Variants in PTPRD observed in about 807,000 individuals in gnomAD.
PTPRD encodes the protein protein tyrosine phosphatase receptor type D.
In PTPRD, 34 loss-of-function variants were observed where a neutral mutation model predicts 214.5. That is an observed-to-expected ratio of 0.16 (90% CI 0.12 to 0.21). The LOEUF (loss-of-function observed/expected upper bound fraction) is 0.21, where lower values mean the gene tolerates loss of function less well. Ranked by LOEUF, PTPRD falls within the 10% of genes least tolerant of loss-of-function variation. The pLI is 1.00. For missense variants in PTPRD, 2,545 were observed against 2,398.7 expected (o/e 1.06, Z -1.27); for synonymous variants, 1,128 against 845.7 (o/e 1.33, Z -5.79).
At chr9:9,594,950 G>C (rs1444996676) in intron 7 of PTPRD, among the ~76,000 whole-genome samples, 1 of 151,882 alleles carries the variant, frequency 6.6e-6, no homozygotes, top group Non-Finnish European at 1.5e-5. Context: ...ATTCTCAAAA[G>C]AAGATCTACA....
chr9:8,324,832 T>G (rs187947078), intron 44 of PTPRD, among the ~76,000 whole-genome samples: 2,039 of 147,608 alleles, frequency 0.014, 44 homozygotes, highest in African/African-American at 0.046. Flanking sequence ...GGTTTTGATT[T>G]GCATTTCTCT....
intron 5 of PTPRD, among the ~76,000 whole-genome samples, chr9:9,890,366 T>A (rs2072835622): frequency 1.3e-5 from 2 of 151,902 alleles, no homozygotes; most frequent in Admixed American, 1.3e-4. Flanking sequence ...TGGCTATTTT[T>A]TTTGAATTTT....
At chr9:10,044,373 G>A (rs566695081) in intron 3 of PTPRD, among the ~76,000 whole-genome samples, 2 of 151,734 alleles carry the variant, frequency 1.3e-5, no homozygotes, top group South Asian at 4.1e-4. Context: ...CCTTTGTTCT[G>A]ATTTACTGTG....
At chr9:9,617,204 C>T (rs1489785944) in intron 7 of PTPRD, among the ~76,000 whole-genome samples, 1 of 152,072 alleles carries the variant, frequency 6.6e-6, no homozygotes, top group Non-Finnish European at 1.5e-5. Context: ...TATATATCTA[C>T]AGAGAAAGAG....
intron 7 of PTPRD, among the ~76,000 whole-genome samples, chr9:9,733,778 C>T (rs2098242080): frequency 6.6e-6 from 1 of 152,116 alleles, no homozygotes; most frequent in Non-Finnish European, 1.5e-5. Context: ...GAGATTTCTT[C>T]ATAGTATTAA....
At chr9:9,910,941 G>T (rs1176017863) in intron 5 of PTPRD, among the ~76,000 whole-genome samples, 1 of 151,646 alleles carries the variant, frequency 6.6e-6, no homozygotes, top group Non-Finnish European at 1.5e-5. Context: ...CATTCCAGTG[G>T]GAATCATTTT....
chr9:9,327,832 T>C (rs894985302), intron 9 of PTPRD, among the ~76,000 whole-genome samples: 15 of 151,574 alleles, frequency 9.9e-5, no homozygotes, highest in Non-Finnish European at 1.9e-4. Flanking sequence ...TTGGCTTCCC[T>C]GGGCCACGTT....
At chr9:10,173,311 G>T (rs1339576079) in intron 3 of PTPRD, among the ~76,000 whole-genome samples, 1 of 152,070 alleles carries the variant, frequency 6.6e-6, no homozygotes, top group Middle Eastern at 3.2e-3. Context: ...ATAATGGAGT[G>T]TTACAGGACA....
At position 8,808,778 on chromosome 9, in the gene PTPRD, T is replaced by C. The variant is rs140300243; in HGVS notation, c.-103-74832A>G. Reference sequence around the variant, plus strand: ...CTAGATTTAAATGGGATGTTGATAATAGTTCTTCCTAGGACCCAGACTGGA... The same window carrying C: ...CTAGATTTAAATGGGATGTTGATAACAGTTCTTCCTAGGACCCAGACTGGA... On this transcript the variant is annotated intron_variant, in intron 11 of 45. Transcript: ENST00000381196. Among the ~76,000 whole-genome samples the C allele has an allele frequency of 3.8e-3, 577 of 152,306 alleles. 3 individuals are homozygous for C. Among genetic ancestry groups the C allele is most frequent in the African/African-American group, 0.013 (533 of 41,568 alleles).
At chr9:10,343,061 T>C (rs1425760599) in intron 2 of PTPRD, among the ~76,000 whole-genome samples, 1 of 152,130 alleles carries the variant, frequency 6.6e-6, no homozygotes, top group African/African-American at 2.4e-5. Context: ...ATGTGCCATG[T>C]TGGTTTGTTG....
At chr9:8,939,042 T>C (rs1053354066) in intron 11 of PTPRD, among the ~76,000 whole-genome samples, 13 of 152,294 alleles carry the variant, frequency 8.5e-5, no homozygotes, top group African/African-American at 2.6e-4. Flanking sequence ...GGATGTTTTA[T>C]TTATTTTTTA....
intron 4 of PTPRD, among the ~76,000 whole-genome samples, chr9:10,005,438 G>A (rs2096453569): frequency 2.0e-5 from 3 of 152,044 alleles, no homozygotes. Context: ...TCTCTCCTTG[G>A]CAGGAAGCCT....
chr9:8,894,496 G>C (rs1029653056), intron 11 of PTPRD, among the ~76,000 whole-genome samples: 8 of 151,288 alleles, frequency 5.3e-5, no homozygotes, highest in Non-Finnish European at 1.0e-4. Context: ...CATGTATCCT[G>C]ATAGGAGTCA....
At chr9:9,027,058 C>G (rs1180049435) in intron 10 of PTPRD, among the ~76,000 whole-genome samples, 2 of 151,554 alleles carry the variant, frequency 1.3e-5, no homozygotes, top group Non-Finnish European at 2.9e-5. Context: ...ATCCTTGGCT[C>G]TGGCACCTGC....
chr9:9,465,220 T>C (rs185554419), intron 8 of PTPRD, among the ~76,000 whole-genome samples: 47 of 152,294 alleles, frequency 3.1e-4, no homozygotes, highest in African/African-American at 9.6e-4. Context: ...AGCTGAAACT[T>C]TTCTAGTATG....
chr9:9,059,637 A>T (rs2099703526), intron 10 of PTPRD, among the ~76,000 whole-genome samples: 1 of 152,142 alleles, frequency 6.6e-6, no homozygotes, highest in Admixed American at 6.5e-5. Context: ...GTTAGAAATT[A>T]ATGATGCCAA....
chr9:9,926,909 A>G (rs901797905), intron 5 of PTPRD, among the ~76,000 whole-genome samples: 1 of 152,188 alleles, frequency 6.6e-6, no homozygotes, highest in Admixed American at 6.5e-5. Flanking sequence ...GCTTTCCTGT[A>G]GCACACCAAG....
At chr9:9,534,959 G>T (rs1407906698) in intron 8 of PTPRD, among the ~76,000 whole-genome samples, 3 of 152,040 alleles carry the variant, frequency 2.0e-5, no homozygotes, top group African/African-American at 7.2e-5. Context: ...CAACTGTAAA[G>T]ATGAGGAACA....
intron 5 of PTPRD, among the ~76,000 whole-genome samples, chr9:9,773,703 G>C (rs1032485130): frequency 1.3e-5 from 2 of 152,110 alleles, no homozygotes; most frequent in Non-Finnish European, 2.9e-5. Flanking sequence ...CATTGTAAAA[G>C]GCACCTGGTC....
Sources: gnomAD v4.1 joint callset for allele counts (sites outside exome capture counted in the v4.1 genomes callset) on GRCh38, gnomAD v4.1.1 for gene constraint, MANE v1.5 for transcripts, NCBI Gene and HGNC (gene_info 2026-07-23, HGNC 2026-07-21) for gene names.